Variants in SCHIP1 observed in about 807,000 individuals in gnomAD.
The protein encoded by SCHIP1 is schwannomin-interacting protein 1.
A neutral mutation model predicts 29.7 loss-of-function variants in SCHIP1; 8 were observed. That is an observed-to-expected ratio of 0.27 (90% CI 0.16 to 0.49). The LOEUF is 0.49. Among genes scored for constraint, SCHIP1 ranks in the 20% least tolerant of loss-of-function variants. The pLI is 0.99. For synonymous variants in SCHIP1, 76 were observed against 94.9 expected (o/e 0.80, Z 1.16); for missense variants, 193 against 294.6 (o/e 0.66, Z 2.52).
At chr3:159,629,096 T>C in the SCHIP1 span, among the ~76,000 whole-genome samples, 3 of 152,006 alleles carry the variant, frequency 2.0e-5, no homozygotes, top group Non-Finnish European at 2.9e-5. Context: ...TAATGCATAA[T>C]ATATTCTGTA....
At chr3:159,487,042 G>A in the SCHIP1 span, among the ~76,000 whole-genome samples, 1 of 152,328 alleles carries the variant, frequency 6.6e-6, no homozygotes, top group South Asian at 2.1e-4. Context: ...GTGACAATGA[G>A]CTGGTGGCAC....
the SCHIP1 span, among the ~76,000 whole-genome samples, chr3:159,477,191 G>T: frequency 9.9e-5 from 15 of 152,038 alleles, no homozygotes; most frequent in African/African-American, 3.6e-4. Flanking sequence ...TTCATTCATT[G>T]GTGGACACTT....
chr3:159,687,965 G>A, the SCHIP1 span, among the ~76,000 whole-genome samples: 190 of 152,338 alleles, frequency 1.2e-3, no homozygotes, highest in African/African-American at 4.5e-3. Context: ...ATTCCATGGT[G>A]TATATGTGCC....
chr3:159,666,070 C>T, the SCHIP1 span, among the ~76,000 whole-genome samples: 1 of 152,186 alleles, frequency 6.6e-6, no homozygotes, highest in East Asian at 1.9e-4. Context: ...CAATGGAACA[C>T]CTTCCTGCTT....
At chr3:159,307,190 G>A in the SCHIP1 span, among the ~76,000 whole-genome samples, 7 of 152,154 alleles carry the variant, frequency 4.6e-5, no homozygotes, top group Non-Finnish European at 8.8e-5. Flanking sequence ...ATTAGAGCAG[G>A]ACATAAAAGT....
intron 2 of SCHIP1, among the ~76,000 whole-genome samples, chr3:159,875,026 AAAAAAAC>A (rs1354415194): frequency 2.0e-5 from 3 of 151,138 alleles, no homozygotes; most frequent in Non-Finnish European, 4.4e-5. Flanking sequence ...TCTAAAAAAA[AAAAAAAC>A]AAAAACTATC....
chr3:159,351,340 T>TG, the SCHIP1 span, among the ~76,000 whole-genome samples: 155 of 152,216 alleles, frequency 1.0e-3, 2 homozygotes, highest in South Asian at 0.024. Flanking sequence ...CTCAAATTCT[T>TG]GGGGGTGGAA....
the SCHIP1 span, among the ~76,000 whole-genome samples, chr3:159,481,164 TG>T: frequency 6.6e-6 from 1 of 152,172 alleles, no homozygotes; most frequent in South Asian, 2.1e-4. Context: ...GGCCTGACAC[TG>T]GGGTCTTATT....
the SCHIP1 span, among the ~76,000 whole-genome samples, chr3:159,506,517 T>A: frequency 1.3e-5 from 2 of 152,234 alleles, no homozygotes; most frequent in Non-Finnish European, 2.9e-5. Flanking sequence ...TTGCTTTTGG[T>A]GTTTTAGACA....
chr3:159,738,976 A>C, the SCHIP1 span, among the ~76,000 whole-genome samples: 1 of 152,206 alleles, frequency 6.6e-6, no homozygotes, highest in African/African-American at 2.4e-5. Flanking sequence ...TAGGAGCCAG[A>C]TTGAGTAGGC....
chr3:159,700,959 A>AT, the SCHIP1 span, among the ~76,000 whole-genome samples: 1 of 152,172 alleles, frequency 6.6e-6, no homozygotes, highest in Non-Finnish European at 1.5e-5. Flanking sequence ...GAAAACCTAG[A>AT]TTTTAACATG....
the SCHIP1 span, among the ~76,000 whole-genome samples, chr3:159,455,076 A>C: frequency 1.2e-4 from 19 of 152,308 alleles, no homozygotes; most frequent in African/African-American, 4.1e-4. Flanking sequence ...TAAAGGAAAA[A>C]AGAGAGAGAA....
chr3:159,544,786 A>G, the SCHIP1 span, among the ~76,000 whole-genome samples: 3 of 152,076 alleles, frequency 2.0e-5, no homozygotes, highest in African/African-American at 7.2e-5. Context: ...ACCTTCTCCC[A>G]TAATGTAGAT....
the SCHIP1 span, among the ~76,000 whole-genome samples, chr3:159,341,612 A>G: frequency 6.6e-6 from 1 of 152,268 alleles, no homozygotes; most frequent in South Asian, 2.1e-4. Context: ...GGGAGGAGCC[A>G]TAGGTCTTTC....
the SCHIP1 span, among the ~76,000 whole-genome samples, chr3:159,685,938 A>G: frequency 6.6e-6 from 1 of 152,248 alleles, no homozygotes; most frequent in African/African-American, 2.4e-5. Context: ...GAGAGCACAG[A>G]AAAGTAGGCC....
At chr3:159,880,159 A>G (rs1716290833) in intron 2 of SCHIP1, among the ~76,000 whole-genome samples, 1 of 152,188 alleles carries the variant, frequency 6.6e-6, no homozygotes, top group African/African-American at 2.4e-5. Context: ...GACAGGATAT[A>G]AAGAGACATA....
At chr3:159,437,285 A>G in the SCHIP1 span, among the ~76,000 whole-genome samples, 140,523 of 152,108 alleles carry the variant, frequency 0.92, 64,960 homozygotes, top group African/African-American at 0.95. Flanking sequence ...AATATGTTCT[A>G]CCTTAGCCAA....
chr3:159,785,402 A>G, the SCHIP1 span, among the ~76,000 whole-genome samples: 4,833 of 152,242 alleles, frequency 0.032, 253 homozygotes, highest in African/African-American at 0.11. Context: ...AGCTTTTTTC[A>G]TATTAAAGAC....
At chr3:159,534,106 T>C in the SCHIP1 span, among the ~76,000 whole-genome samples, 23 of 152,346 alleles carry the variant, frequency 1.5e-4, no homozygotes, top group Admixed American at 1.2e-3. Flanking sequence ...TTGTTTTTAA[T>C]AATGTACATT....
Sources: allele counts gnomAD v4.1 joint callset (sites outside exome capture counted in the v4.1 genomes callset), GRCh38; gene constraint gnomAD v4.1.1; transcripts MANE v1.5; gene names NCBI Gene and HGNC (gene_info 2026-07-23, HGNC 2026-07-21).